The following ZFP64 variants were observed in gnomAD, a reference collection of about 807,000 sequenced individuals.
ZFP64 encodes zinc finger protein 64.
A neutral mutation model predicts 51.6 loss-of-function variants in ZFP64; 14 were observed. The ratio of observed to expected loss-of-function variants is 0.27; its 90% CI spans 0.18 to 0.42. The LOEUF is 0.42. ZFP64 is among the 10% of genes least tolerant of loss of function. The pLI is 1.00. For missense variants in ZFP64, 754 were observed against 906.8 expected (o/e 0.83, Z 2.16); for synonymous variants, 375 against 361.4 (o/e 1.04, Z -0.43).
rs974068116 is a variant in ZFP64 at position 52,151,901 on chromosome 20, A to C, written c.*245T>G. On this transcript the variant is annotated 3_prime_UTR_variant, in exon 6 of 6. Coordinates refer to ENST00000216923, the MANE Select transcript of ZFP64 (RefSeq NM_018197.3). ...AATATACAAAAATTAGCCAGTCATG[A>C]TGTCGTACACCTGTGGTCCCAGCTA... The C allele has an allele frequency of 9.8e-7, 1 of 1,024,664 alleles. No individual in the cohort carries two copies. The highest frequency in any genetic ancestry group is 1.6e-5 in the African/African-American group (1 of 61,750). The allele number at this position is 1,024,664 out of a possible 1,614,324, so 63.5% of individuals were successfully genotyped here.
At chr20:52,162,487 C>A (rs563237718) in intron 4 of ZFP64, among the ~76,000 whole-genome samples, 4 of 151,584 alleles carry the variant, frequency 2.6e-5, no homozygotes, top group Non-Finnish European at 4.4e-5. Flanking sequence ...ACTAGCCGGG[C>A]GTGGTGGCAG....
At chr20:52,177,493 T>A (rs922970268) in intron 2 of ZFP64, among the ~76,000 whole-genome samples, 1 of 152,062 alleles carries the variant, frequency 6.6e-6, no homozygotes, top group Admixed American at 6.5e-5. Context: ...TCCTCCCTGA[T>A]ACATTTAATT....
At chr20:52,127,209 C>G (rs547735946) in intron 5 of ZFP64, among the ~76,000 whole-genome samples, 10 of 152,236 alleles carry the variant, frequency 6.6e-5, no homozygotes, top group African/African-American at 2.4e-4. Context: ...CTCGGCCTCC[C>G]AAAGTGCTGG....
chr20:52,153,140 G>C lies in ZFP64; in HGVS notation c.1052C>G (p.Ser351Cys). 1 of 1,614,242 alleles carries C rather than the reference G, an allele frequency of 6.2e-7. No individual in the cohort carries two copies. Among genetic ancestry groups the C allele is most frequent in the Admixed American group, 1.7e-5 (1 of 60,032 alleles). The change falls in exon 6 of 6, where the codon TCC becomes TGC. Residue 351 changes from serine (S) to cysteine (C), a missense_variant. By Grantham distance (112) the Ser-to-Cys change is moderately radical (BLOSUM62 -1). Coordinates refer to ENST00000216923, the MANE Select transcript of ZFP64 (RefSeq NM_018197.3). The surrounding 1 kb of genome is among the most constrained non-coding windows in gnomAD (Gnocchi z 5.1). ...HPEKCSECSY[S>C]CSSKAALRIH... ...GCGCAGGGCGGCCTTGCTGGAGCAG[G>C]AGTAGCTGCATTCCGAGCACTTCTC...
chr20:52,175,933 C>A (rs1983170197), intron 2 of ZFP64: 3 of 976,652 alleles, frequency 3.1e-6, no homozygotes, highest in Non-Finnish European at 2.4e-6. Flanking sequence ...TTACGCTGTT[C>A]CCAAACGGCC....
intron 2 of ZFP64, among the ~76,000 whole-genome samples, 177 bp downstream of exon 2, chr20:52,186,655 C>A (rs1359096701): frequency 6.6e-6 from 1 of 151,804 alleles, no homozygotes; most frequent in African/African-American, 2.4e-5. Context: ...AATGTTTTAA[C>A]CTAGCAGCTC....
At chr20:52,175,047 A>AT (rs1184277001) in intron 2 of ZFP64, among the ~76,000 whole-genome samples, 6 of 151,726 alleles carry the variant, frequency 4.0e-5, no homozygotes, top group Non-Finnish European at 5.9e-5. Flanking sequence ...CTATTAGCTC[A>AT]TTTTTTCTAT....
chr20:52,104,409 G>A (rs968751620), intron 5 of ZFP64, among the ~76,000 whole-genome samples: 1 of 152,174 alleles, frequency 6.6e-6, no homozygotes, highest in Non-Finnish European at 1.5e-5. Context: ...CGTGGCAGCC[G>A]AGGAGGGGGT....
chr20:52,119,539 TATATATATATATATAC>T (rs1456868973), intron 5 of ZFP64, among the ~76,000 whole-genome samples: 2 of 121,210 alleles, frequency 1.7e-5, no homozygotes, highest in African/African-American at 7.5e-5. Flanking sequence ...AAAAAATATA[TATATATATATATATAC>T]ATATATATAT....
At chr20:52,161,446 C>CTTTT (rs1236301796) in intron 4 of ZFP64, among the ~76,000 whole-genome samples, 5 of 127,722 alleles carry the variant, frequency 3.9e-5, no homozygotes, top group African/African-American at 9.7e-5. Flanking sequence ...CTTGTGATTG[C>CTTTT]TTTCTTTTTT....
intron 5 of ZFP64, chr20:52,104,714 G>A (rs575923977): frequency 7.3e-5 from 35 of 482,222 alleles, no homozygotes; most frequent in African/African-American, 5.5e-4. Context: ...CCTCGGTGAG[G>A]CCTTCCCTGG....
Position 52,107,228 on chromosome 20 carries a change from T to C in ZFP64, c.764-8641A>G, listed in dbSNP as rs1978330482. On this transcript the variant is annotated intron_variant, in intron 5 of 8. Transcript: ENST00000361387. The stretch of plus-strand genomic sequence containing the variant: ...ATGGGAGACATCTGAGACCCTCTTA[T>C]ACTGCTTGAGGTGTGTACATGTGTT... Among the ~76,000 whole-genome samples, 3 of 152,222 alleles carry C rather than the reference T, an allele frequency of 2.0e-5. No individual in the cohort carries two copies. In the South Asian group the frequency reaches 6.2e-4, roughly 32 times the overall value.
intron 2 of ZFP64, among the ~76,000 whole-genome samples, chr20:52,175,610 C>A (rs186738177): frequency 1.3e-5 from 2 of 152,294 alleles, no homozygotes; most frequent in African/African-American, 4.8e-5. Context: ...TGTGGGAGCC[C>A]GAGGCGGTCG....
At chr20:52,098,199 T>C (rs1207659100) in intron 6 of ZFP64, among the ~76,000 whole-genome samples, 4 of 145,524 alleles carry the variant, frequency 2.7e-5, no homozygotes, top group Admixed American at 1.4e-4. Context: ...AGAGTCCATA[T>C]ATGTATAACC....
chr20:52,148,323 C>T (rs1167483961), downstream of ZFP64, among the ~76,000 whole-genome samples: 2 of 152,158 alleles, frequency 1.3e-5, no homozygotes, highest in Admixed American at 6.5e-5. Context: ...TTTATCTACA[C>T]GATGGCTTAA....
chr20:52,146,614 G>T (rs1035123203), downstream of ZFP64, among the ~76,000 whole-genome samples: 4 of 151,438 alleles, frequency 2.6e-5, no homozygotes, highest in African/African-American at 9.7e-5. Context: ...AGCATTAGGA[G>T]ATATACCTAA....
chr20:52,090,822 T>C lies in ZFP64; in HGVS notation c.977-2179A>G, dbSNP rs532732023. Among the ~76,000 whole-genome samples, 319 of 132,902 alleles carry C rather than the reference T, an allele frequency of 2.4e-3. 1 individual carries two copies. Among genetic ancestry groups the C allele is most frequent in the African/African-American group, 8.9e-3 (305 of 34,188 alleles). 87.2% of individuals were successfully genotyped at this position (132,902 alleles called of 152,430 possible). A position where few individuals can be genotyped will look rare whatever the true frequency, so the allele number is the denominator to read the frequency against. On this transcript the variant is annotated intron_variant, in intron 7 of 8. Coordinates refer to the ZFP64 transcript ENST00000361387. ...TTTTTTTTTTTTGAGACAGACTTGG[T>C]TGGGCACAATGGCTCACATCTGTAA...
intron 5 of ZFP64, chr20:52,098,711 G>T: frequency 7.5e-7 from 1 of 1,333,648 alleles, no homozygotes. Context: ...TAAAAAAAAT[G>T]AAAGCCATGT....
chr20:52,101,173 A>G (rs910829725), intron 5 of ZFP64, among the ~76,000 whole-genome samples: 2 of 152,200 alleles, frequency 1.3e-5, no homozygotes, highest in African/African-American at 4.8e-5. Context: ...CCAAAGGTCA[A>G]TAGGGCTGGG....
Sources: gnomAD v4.1 joint callset for allele counts (sites outside exome capture counted in the v4.1 genomes callset) on GRCh38, gnomAD v4.1.1 for gene constraint, Gnocchi (gnomAD v3.1) non-coding constraint, MANE v1.5 for transcripts, NCBI Gene and HGNC (gene_info 2026-07-23, HGNC 2026-07-21) for gene names.